DACH1: variants seen among roughly 807,000 people sequenced by gnomAD.
The protein encoded by DACH1 is dachshund family transcription factor 1, also known as dachshund homolog 1.
Under a neutral mutation model 54.2 loss-of-function variants are expected in DACH1, and 12 were observed. That is an observed-to-expected ratio of 0.22 (90% CI 0.14 to 0.36). The LOEUF is 0.36. Ranked by LOEUF, DACH1 falls within the 10% of genes least tolerant of loss-of-function variation. DACH1 has a pLI of 1.00. For synonymous variants in DACH1, 386 were observed against 366.2 expected, an observed-to-expected ratio of 1.05 and a Z score of -0.62; for missense variants, 805 against 929.8, an observed-to-expected ratio of 0.87 and a Z score of 1.75.
intron 1 of DACH1, among the ~76,000 whole-genome samples, chr13:71,839,237 G>A (rs1888922299): frequency 6.6e-6 from 1 of 152,096 alleles, no homozygotes; most frequent in Non-Finnish European, 1.5e-5. Context: ...AAAAATCAGT[G>A]CTTTTAATAT....
At chr13:71,764,185 T>A (rs1489551175) in intron 1 of DACH1, among the ~76,000 whole-genome samples, 9 of 152,160 alleles carry the variant, frequency 5.9e-5, no homozygotes, top group Admixed American at 5.9e-4. Context: ...AGCTCTAACT[T>A]ATGCTATATT....
At chr13:71,794,629 G>A (rs1176474105) in intron 1 of DACH1, among the ~76,000 whole-genome samples, 1 of 152,064 alleles carries the variant, frequency 6.6e-6, no homozygotes, top group Non-Finnish European at 1.5e-5. Flanking sequence ...GTAGAGATGG[G>A]GTTTCACCAT....
At chr13:71,775,350 G>C (rs543906225) in intron 1 of DACH1, among the ~76,000 whole-genome samples, 1 of 151,842 alleles carries the variant, frequency 6.6e-6, no homozygotes, top group South Asian at 2.1e-4. Flanking sequence ...AAGACAGACA[G>C]ATAACAGTTA....
intron 1 of DACH1, among the ~76,000 whole-genome samples, chr13:71,753,655 A>G (rs993364012): frequency 3.3e-5 from 5 of 152,194 alleles, no homozygotes; most frequent in African/African-American, 1.2e-4. Flanking sequence ...CTACCAGCCT[A>G]CCTAACTTGC....
chr13:71,610,310 G>T (rs1316298431), intron 3 of DACH1, among the ~76,000 whole-genome samples: 2 of 152,076 alleles, frequency 1.3e-5, no homozygotes, highest in Non-Finnish European at 2.9e-5. Context: ...GTTTATATTC[G>T]CTTTACTGAA....
At chr13:71,831,254 A>C (rs1888577406) in intron 1 of DACH1, among the ~76,000 whole-genome samples, 1 of 151,868 alleles carries the variant, frequency 6.6e-6, no homozygotes, top group South Asian at 2.1e-4. Context: ...TTTTATTCCT[A>C]AATATTTCGA....
At chr13:71,629,504 T>G (rs1468105807) in intron 3 of DACH1, among the ~76,000 whole-genome samples, 2 of 152,200 alleles carry the variant, frequency 1.3e-5, no homozygotes, top group East Asian at 3.9e-4. Context: ...TATTTTACTC[T>G]AATATTCATG....
At chr13:71,661,743 G>A (rs1194284213) in intron 2 of DACH1, among the ~76,000 whole-genome samples, 1 of 151,800 alleles carries the variant, frequency 6.6e-6, no homozygotes, top group Non-Finnish European at 1.5e-5. Flanking sequence ...AAACATCCCT[G>A]TACAACACAC....
intron 1 of DACH1, among the ~76,000 whole-genome samples, chr13:71,732,585 A>T (rs796604697): frequency 0.042 from 4,304 of 103,512 alleles, 218 homozygotes; most frequent in African/African-American, 0.22. Context: ...GACTATTTCT[A>T]AAAAAAAAAA....
At chr13:71,807,661 T>G (rs972789331) in intron 1 of DACH1, among the ~76,000 whole-genome samples, 4 of 152,208 alleles carry the variant, frequency 2.6e-5, no homozygotes, top group African/African-American at 9.7e-5. Context: ...TAATGTATCT[T>G]TGGTCACTAC....
intron 2 of DACH1, among the ~76,000 whole-genome samples, chr13:71,670,983 T>G (rs1164804861): frequency 6.6e-6 from 1 of 152,070 alleles, no homozygotes; most frequent in Admixed American, 6.6e-5. Flanking sequence ...CTCTTGGGAC[T>G]TTACTTTTTA....
At chr13:71,724,766 T>C (rs1883394758) in intron 1 of DACH1, among the ~76,000 whole-genome samples, 1 of 152,192 alleles carries the variant, frequency 6.6e-6, no homozygotes, top group East Asian at 1.9e-4. Context: ...TAAGTTTCTT[T>C]ATGATTTATG....
intron 1 of DACH1, among the ~76,000 whole-genome samples, chr13:71,734,979 GGATA>G (rs1465676150): frequency 1.5e-5 from 1 of 68,912 alleles, no homozygotes; most frequent in Non-Finnish European, 5.9e-5. Flanking sequence ...TACACACACA[GGATA>G]TATATATATA....
chr13:71,777,901 G>A (rs1886129219), intron 1 of DACH1, among the ~76,000 whole-genome samples: 1 of 151,862 alleles, frequency 6.6e-6, no homozygotes, highest in African/African-American at 2.4e-5. Flanking sequence ...TGGATTGCTT[G>A]AACCCAAAAG....
chr13:71,518,340 A>C (rs2138274096), intron 6 of DACH1, among the ~76,000 whole-genome samples: 1 of 151,796 alleles, frequency 6.6e-6, no homozygotes, highest in Admixed American at 6.6e-5. Context: ...CTCAGCACAA[A>C]CCAAAACTAC....
At chr13:71,857,732 A>G (rs1874097236) in intron 1 of DACH1, among the ~76,000 whole-genome samples, 1 of 151,746 alleles carries the variant, frequency 6.6e-6, no homozygotes, top group East Asian at 1.9e-4. Flanking sequence ...AAAAGGCACT[A>G]TTTAAGTGTA....
chr13:71,558,666 T>A (rs943734156), intron 5 of DACH1, among the ~76,000 whole-genome samples: 8 of 152,054 alleles, frequency 5.3e-5, no homozygotes, highest in African/African-American at 1.9e-4. Context: ...AAAACTGTTT[T>A]AAAATTGTAT....
chr13:71,756,130 G>C (rs535202643), intron 1 of DACH1, among the ~76,000 whole-genome samples: 8 of 151,772 alleles, frequency 5.3e-5, no homozygotes, highest in African/African-American at 1.9e-4. Flanking sequence ...TCCCAGTTTC[G>C]AGCAATTCTC....
chr13:71,451,291 T>C (rs896815600), intron 10 of DACH1, among the ~76,000 whole-genome samples: 1 of 152,172 alleles, frequency 6.6e-6, no homozygotes, highest in African/African-American at 2.4e-5. Flanking sequence ...AGTTGTCTTC[T>C]TACACTGACA....
Sources: gnomAD v4.1 joint callset for allele counts (sites outside exome capture counted in the v4.1 genomes callset) on GRCh38, gnomAD v4.1.1 for gene constraint, MANE v1.5 for transcripts, NCBI Gene and HGNC (gene_info 2026-07-23, HGNC 2026-07-21) for gene names.